Variants in PTPRT observed in about 807,000 individuals in gnomAD.
PTPRT encodes receptor-type tyrosine-protein phosphatase T.
PTPRT carries 56 observed loss-of-function variants against 176.8 expected under a neutral mutation model. The observed-to-expected ratio is 0.32, with a 90% CI of 0.26 to 0.40. The LOEUF (loss-of-function observed/expected upper bound fraction) is 0.40, where lower values mean the gene tolerates loss of function less well. Among genes scored for constraint, PTPRT ranks in the 10% least tolerant of loss-of-function variants. The pLI is 1.00. For missense variants in PTPRT, 1,540 were observed against 1,908.2 expected (o/e 0.81, Z 3.60); for synonymous variants, 783 against 739.0 (o/e 1.06, Z -0.96).
At chr20:42,774,883 T>C (rs2077112174) in intron 4 of PTPRT, among the ~76,000 whole-genome samples, 2 of 152,296 alleles carry the variant, frequency 1.3e-5, no homozygotes, top group East Asian at 3.9e-4. Context: ...GGGGCCTGTA[T>C]GGTCCTCTTC....
chr20:43,061,079 G>GATAA (rs1987437473), intron 1 of PTPRT, among the ~76,000 whole-genome samples: 3 of 127,228 alleles, frequency 2.4e-5, no homozygotes, highest in Non-Finnish European at 5.2e-5. Context: ...TGGATGGGCG[G>GATAA]ATAAATGAAT....
chr20:42,244,354 T>A (rs1395965981), intron 14 of PTPRT, among the ~76,000 whole-genome samples: 2 of 152,108 alleles, frequency 1.3e-5, no homozygotes, highest in East Asian at 3.8e-4. Flanking sequence ...CCAAATACAC[T>A]CTTGGAACAG....
chr20:42,682,281 T>TA (rs962434314), intron 6 of PTPRT, among the ~76,000 whole-genome samples: 11 of 151,774 alleles, frequency 7.2e-5, no homozygotes, highest in South Asian at 2.1e-4. Flanking sequence ...CCTTAAAAGT[T>TA]AAAAAAAACA....
At chr20:42,049,432 C>G in the PTPRT span, among the ~76,000 whole-genome samples, 1 of 152,198 alleles carries the variant, frequency 6.6e-6, no homozygotes, top group South Asian at 2.1e-4. Context: ...TCATAAAAAC[C>G]TTCTGTGAAC....
chr20:42,072,419 C>G (rs1357771229), downstream of PTPRT, among the ~76,000 whole-genome samples: 1 of 152,194 alleles, frequency 6.6e-6, no homozygotes, highest in Admixed American at 6.5e-5. Context: ...CAGCTCGTTA[C>G]CAAGGCAGAC....
chr20:42,738,606 T>C (rs2146286351), intron 6 of PTPRT, among the ~76,000 whole-genome samples: 1 of 152,302 alleles, frequency 6.6e-6, no homozygotes, highest in Non-Finnish European at 1.5e-5. Flanking sequence ...TGCTTCAAAA[T>C]AGTCGAAGCC....
chr20:42,065,843 C>T, the PTPRT span, among the ~76,000 whole-genome samples: 4 of 152,136 alleles, frequency 2.6e-5, no homozygotes, highest in African/African-American at 9.7e-5. Context: ...ATTTTAACTT[C>T]TTATGCTAAC....
chr20:42,896,327 C>T (rs754231155), intron 1 of PTPRT, among the ~76,000 whole-genome samples: 1 of 151,998 alleles, frequency 6.6e-6, no homozygotes, highest in Non-Finnish European at 1.5e-5. Flanking sequence ...TGCAGAGTCT[C>T]TTCTTCAAAA....
At chr20:42,609,601 C>A (rs944234268) in intron 7 of PTPRT, among the ~76,000 whole-genome samples, 1 of 152,190 alleles carries the variant, frequency 6.6e-6, no homozygotes, top group Admixed American at 6.5e-5. Flanking sequence ...GCTGCTATAG[C>A]AGCTGGGCTG....
At chr20:42,386,878 A>G (rs1212616478) in intron 9 of PTPRT, among the ~76,000 whole-genome samples, 1 of 152,182 alleles carries the variant, frequency 6.6e-6, no homozygotes, top group Non-Finnish European at 1.5e-5. Context: ...AAACAAAAAA[A>G]AAGAATTATT....
At position 42,072,929 on chromosome 20, in the gene PTPRT, A is replaced by G. The variant is rs1600442273; in HGVS notation, c.*7950T>C. 8.9e-6 allele frequency: 2 copies of G among 224,312 alleles called. No homozygotes were observed. Among genetic ancestry groups the G allele is most frequent in the Admixed American group, 1.1e-4 (2 of 17,432 alleles). 13.9% of individuals were successfully genotyped at this position (224,312 alleles called of 1,614,324 possible). A position where few individuals can be genotyped will look rare whatever the true frequency, so the allele number is the denominator to read the frequency against. On this transcript the variant is annotated 3_prime_UTR_variant, in exon 31 of 31. Coordinates refer to ENST00000373187, the MANE Select transcript of PTPRT (RefSeq NM_007050.6). ...CAAAAAATATATCTGATATTCATTGACCTGACATTATTTACCTTCTGCTTT... is the reference window on the plus strand; with the variant it reads ...CAAAAAATATATCTGATATTCATTGGCCTGACATTATTTACCTTCTGCTTT...
rs1003754168 is a variant in PTPRT, at chr20:42,201,046, G to C, written c.2343-1658C>G. ...AACCTCAACTTAGGCTGGGAACAGT[G>C]GCTCATGCCTGTAATCCCAGCACGC... On this transcript the variant is annotated intron_variant, in intron 15 of 30. Coordinates refer to ENST00000373187, the MANE Select transcript of PTPRT (RefSeq NM_007050.6). Among the ~76,000 whole-genome samples the C allele has an allele frequency of 2.0e-5, 3 of 152,222 alleles. No individual in the cohort carries two copies. The South Asian group carries it at 6.2e-4, about 32-fold the overall frequency.
At chr20:42,210,240 G>T (rs1031614637) in intron 15 of PTPRT, among the ~76,000 whole-genome samples, 5 of 152,170 alleles carry the variant, frequency 3.3e-5, no homozygotes, top group African/African-American at 1.2e-4. Context: ...ACTGGCACAA[G>T]ACAGGGATGC....
intron 1 of PTPRT, among the ~76,000 whole-genome samples, chr20:42,892,296 A>G (rs1212066845): frequency 6.6e-6 from 1 of 152,180 alleles, no homozygotes; most frequent in Admixed American, 6.5e-5. Context: ...TAGATGATGT[A>G]TCAAACTCAC....
chr20:42,365,096 A>G (rs1181204009), intron 9 of PTPRT, among the ~76,000 whole-genome samples: 1 of 152,176 alleles, frequency 6.6e-6, no homozygotes, highest in African/African-American at 2.4e-5. Context: ...ACTTTCTTTA[A>G]CCCAAGGTAT....
intron 3 of PTPRT, among the ~76,000 whole-genome samples, chr20:42,789,542 A>G (rs2077342931): frequency 1.3e-5 from 2 of 152,214 alleles, no homozygotes; most frequent in Non-Finnish European, 2.9e-5. Flanking sequence ...TGAAGATTAA[A>G]CAAGGTAATG....
At chr20:42,648,228 T>A (rs761010) in intron 7 of PTPRT, among the ~76,000 whole-genome samples, 44,341 of 151,898 alleles carry the variant, frequency 0.29, 9,981 homozygotes, top group African/African-American at 0.63. Context: ...AAGAACAGAC[T>A]CCTCCATCAC....
At chr20:42,567,914 G>A (rs2073073708) in intron 7 of PTPRT, among the ~76,000 whole-genome samples, 1 of 151,850 alleles carries the variant, frequency 6.6e-6, no homozygotes, top group African/African-American at 2.4e-5. Flanking sequence ...TCAATTCAAT[G>A]CCATCTGTTG....
chr20:42,940,944 T>C (rs1980503867), intron 1 of PTPRT, among the ~76,000 whole-genome samples: 1 of 151,662 alleles, frequency 6.6e-6, no homozygotes, highest in Non-Finnish European at 1.5e-5. Flanking sequence ...TAGCAGGATA[T>C]GGTGGCGCGC....
Sources: gnomAD v4.1 joint callset for allele counts (sites outside exome capture counted in the v4.1 genomes callset) on GRCh38, gnomAD v4.1.1 for gene constraint, MANE v1.5 for transcripts, NCBI Gene and HGNC (gene_info 2026-07-23, HGNC 2026-07-21) for gene names.